The following SMARCAD1 variants were observed in gnomAD, a reference collection of about 807,000 sequenced individuals.
SMARCAD1 encodes SWI/SNF-related matrix-associated actin-dependent regulator of chromatin subfamily A containing DEAD/H box 1.
A neutral mutation model predicts 127.1 loss-of-function variants in SMARCAD1; 25 were observed. That is an observed-to-expected ratio of 0.20 (90% confidence interval 0.14 to 0.27). SMARCAD1 has a LOEUF of 0.27. Among genes scored for constraint, SMARCAD1 ranks in the 10% least tolerant of loss-of-function variants. SMARCAD1 has a pLI of 1.00. For synonymous variants in SMARCAD1, 400 were observed against 396.9 expected (o/e 1.01, Z -0.09); for missense variants, 807 against 1,206.0 (o/e 0.67, Z 4.90).
At chr4:94,231,821 A>G (rs568277024) in intron 3 of SMARCAD1, among the ~76,000 whole-genome samples, 26 of 152,000 alleles carry the variant, frequency 1.7e-4, no homozygotes, top group Middle Eastern at 3.4e-3. Flanking sequence ...TGCTTCTCTA[A>G]AGAGATCAAG....
intron 23 of SMARCAD1, 44 bp from the exon 24 acceptor site, chr4:94,289,429 A>G: frequency 5.2e-6 from 8 of 1,539,240 alleles, no homozygotes; most frequent in Non-Finnish European, 7.2e-6. Context: ...TTTTTTAAGT[A>G]AAATATTTTT....
intron 11 of SMARCAD1, among the ~76,000 whole-genome samples, chr4:94,272,707 C>T (rs1473109303): frequency 1.3e-5 from 2 of 152,044 alleles, no homozygotes; most frequent in East Asian, 3.9e-4. Context: ...TTTAAATTGC[C>T]ATGTGGTATG....
rs772177399 is a variant in SMARCAD1, at chr4:94,289,553, T to C, written c.*19T>C. 18 of 1,595,900 alleles carry C rather than the reference T, an allele frequency of 1.1e-5. No individual in the cohort carries two copies. In the Admixed American group the frequency reaches 2.5e-4, roughly 22 times the overall value. The stretch of plus-strand genomic sequence containing the variant: ...CCTGTGAAATAAGAACTGTGAACTC[T>C]CAATTGATGAGGAAATATCAACTTG... On this transcript the variant is annotated 3_prime_UTR_variant, in exon 24 of 24. Transcript: ENST00000354268.
At position 94,236,353 on chromosome 4, in the gene SMARCAD1, T is replaced by C. The variant is rs573831597; in HGVS notation, c.538-599T>C. 1.1e-4 allele frequency among the ~76,000 whole-genome samples: 17 copies of C among 152,270 alleles called. No homozygotes were observed. In the South Asian group the frequency reaches 3.3e-3, roughly 30 times the overall value. ...AAATTACTGAGCAGTATAAAAACAG[T>C]ATATTAGAATGATGTCATGCAAGCA... On this transcript the variant is annotated intron_variant, in intron 4 of 23. Transcript: ENST00000354268.
chr4:94,221,550 T>C (rs548920523), intron 2 of SMARCAD1, among the ~76,000 whole-genome samples: 23 of 152,280 alleles, frequency 1.5e-4, no homozygotes, highest in Middle Eastern at 3.4e-3. Context: ...ATGAAAACAA[T>C]GTATTGCAAC....
chr4:94,210,944 A>AG (rs993905067), intron 2 of SMARCAD1, among the ~76,000 whole-genome samples: 7 of 150,400 alleles, frequency 4.7e-5, no homozygotes, highest in African/African-American at 7.3e-5. Context: ...AAAAAAAAAA[A>AG]AAAAAAGGTA....
chr4:94,259,858 C>A (rs1750690051), intron 9 of SMARCAD1, among the ~76,000 whole-genome samples: 1 of 152,136 alleles, frequency 6.6e-6, no homozygotes, highest in Non-Finnish European at 1.5e-5. Context: ...TAATAAAAAT[C>A]ATCAATAATG....
chr4:94,288,134 A>G (rs557114141), intron 23 of SMARCAD1, among the ~76,000 whole-genome samples: 5 of 152,264 alleles, frequency 3.3e-5, no homozygotes, highest in Admixed American at 1.3e-4. Flanking sequence ...AAACATGGCA[A>G]TTTATTTTCA....
Position 94,290,179 on chromosome 4 carries a change from A to G in SMARCAD1, c.*645A>G. The G allele has an allele frequency of 2.2e-6, 1 of 454,482 alleles. No homozygotes were observed. The highest frequency in any genetic ancestry group is 1.6e-5 in the South Asian group (1 of 64,470). 28.2% of individuals were successfully genotyped at this position (454,482 alleles called of 1,614,324 possible). A position where few individuals can be genotyped will look rare whatever the true frequency, so the allele number is the denominator to read the frequency against. ...TAGGCACTAAGTTGTTTTCCAGTGAATAGTAACTAAAGAAGCCCCTACCTT... is the reference window on the plus strand; with the variant it reads ...TAGGCACTAAGTTGTTTTCCAGTGAGTAGTAACTAAAGAAGCCCCTACCTT... On this transcript the variant is annotated 3_prime_UTR_variant, in exon 24 of 24. Transcript: ENST00000354268.
At chr4:94,288,314 C>T (rs887466914) in intron 23 of SMARCAD1, among the ~76,000 whole-genome samples, 2 of 152,144 alleles carry the variant, frequency 1.3e-5, no homozygotes, top group African/African-American at 4.8e-5. Flanking sequence ...AGTTCACACA[C>T]AGCATTTTAT....
chr4:94,288,534 T>A (rs1437544730), intron 23 of SMARCAD1, among the ~76,000 whole-genome samples: 1 of 152,132 alleles, frequency 6.6e-6, no homozygotes, highest in African/African-American at 2.4e-5. Context: ...GTTGATGTAC[T>A]ATTTTGTGTT....
chr4:94,276,383 G>A lies in SMARCAD1; in HGVS notation c.1853G>A (p.Arg618Gln). The change falls in exon 15 of 24, where the codon CGA becomes CAA. Residue 618 changes from arginine (R) to glutamine (Q), a missense_variant. Arg to Gln is a conservative substitution (Grantham distance 43). This residue lies in a region of SMARCAD1 where 148 missense variants were observed against 313.2 expected (regional missense o/e 0.47). Coordinates refer to ENST00000354268, the MANE Select transcript of SMARCAD1 (RefSeq NM_020159.5). The part of the protein sequence containing the change: ...ISSSDDRSLF[R>Q]RLKLNYAIFD... The stretch of plus-strand genomic sequence containing the variant: ...AGTTCTGATGACCGTAGTCTGTTTC[G>A]ACGGCTGAAACTTAATTACGCAATT... The A allele has an allele frequency of 2.5e-6, 4 of 1,614,082 alleles. No homozygotes were observed. Among genetic ancestry groups the A allele is most frequent in the South Asian group, 1.1e-5 (1 of 91,076 alleles).
At position 94,277,050 on chromosome 4, in the gene SMARCAD1, C is replaced by T. The variant is rs766331484; in HGVS notation, c.1973C>T (p.Thr658Ile). The stretch of plus-strand genomic sequence containing the variant: ...AATAACCGTTTGCTGCTCACAGGCA[C>T]ACCTGTACAGAACAATCTGTTAGAA... ...NANNRLLLTG[T>I]PVQNNLLELM... Residue 658 changes from threonine (T) to isoleucine (I), a missense_variant, in exon 16 of 24, where the codon ACA (threonine) becomes ATA (isoleucine). By Grantham distance (89) the Thr-to-Ile change is moderately conservative. Around this residue, in one of 8 missense-constraint regions of SMARCAD1, gnomAD observed 148 missense variants for 313.2 expected, o/e 0.47. Transcript: ENST00000354268. The T allele has an allele frequency of 6.2e-7, 1 of 1,614,046 alleles. No individual in the cohort carries two copies. The highest frequency in any genetic ancestry group is 8.5e-7 in the Non-Finnish European group (1 of 1,179,948).
intron 2 of SMARCAD1, chr4:94,212,931 CCT>C (rs1259694886): frequency 1.9e-6 from 1 of 515,596 alleles, no homozygotes; most frequent in Non-Finnish European, 3.5e-6. Flanking sequence ...ATACACTTAA[CCT>C]CTGCCCCCTG....
At chr4:94,268,060 TAGTA>T (rs1056485652) in intron 10 of SMARCAD1, among the ~76,000 whole-genome samples, 2 of 152,166 alleles carry the variant, frequency 1.3e-5, no homozygotes, top group Non-Finnish European at 2.9e-5. Context: ...AGTTCCGTGA[TAGTA>T]AGCAACAAAG....
At chr4:94,255,146 A>G (rs576029827) in intron 9 of SMARCAD1, among the ~76,000 whole-genome samples, 1 of 152,182 alleles carries the variant, frequency 6.6e-6, no homozygotes, top group African/African-American at 2.4e-5. Context: ...GGTTTTAATC[A>G]TATTGCTCAG....
At chr4:94,276,894 CAG>C in intron 15 of SMARCAD1, 126 bp from the exon 16 acceptor site, 1 of 966,436 alleles carries the variant, frequency 1.0e-6, no homozygotes, top group Admixed American at 2.3e-5. Flanking sequence ...TCATTTATCA[CAG>C]AATGTTAAAT....
intron 2 of SMARCAD1, among the ~76,000 whole-genome samples, chr4:94,209,907 G>GT (rs1239300139): frequency 6.6e-6 from 1 of 152,154 alleles, no homozygotes; most frequent in Non-Finnish European, 1.5e-5. Context: ...GAAAGCCAAG[G>GT]TGTAGACATG....
At chr4:94,228,475 A>G (rs544333929) in intron 3 of SMARCAD1, among the ~76,000 whole-genome samples, 1 of 152,308 alleles carries the variant, frequency 6.6e-6, no homozygotes, top group South Asian at 2.1e-4. Context: ...ACACTAGTAC[A>G]GTACTATTAT....
Sources: allele counts gnomAD v4.1 joint callset (sites outside exome capture counted in the v4.1 genomes callset), GRCh38; gene constraint gnomAD v4.1.1; regional missense constraint gnomAD v4.1.1; transcripts MANE v1.5; gene names NCBI Gene and HGNC (gene_info 2026-07-23, HGNC 2026-07-21).